CTBP2: variants seen among roughly 807,000 people sequenced by gnomAD.
CTBP2 encodes C-terminal-binding protein 2.
In CTBP2, 30 loss-of-function variants were observed where a neutral mutation model predicts 80.3. The ratio of observed to expected loss-of-function variants is 0.37; its 90% CI spans 0.28 to 0.51. The LOEUF is 0.51. Among genes scored for constraint, CTBP2 ranks in the 20% least tolerant of loss-of-function variants. The probability of loss-of-function intolerance (pLI) is 0.93; values close to 1 mark genes in which losing one functional copy is unlikely to be tolerated. For missense variants in CTBP2, 1,212 were observed against 1,375.3 expected (o/e 0.88, Z 1.88); for synonymous variants, 594 against 587.4 (o/e 1.01, Z -0.16).
intron 2 of CTBP2, among the ~76,000 whole-genome samples, chr10:125,072,634 G>GAAAAAAAAAA (rs55742060): frequency 4.3e-4 from 43 of 100,146 alleles, no homozygotes; most frequent in East Asian, 6.0e-4. Context: ...AAAAAGAAAA[G>GAAAAAAAAAA]AAAAAAAAAA....
intron 2 of CTBP2, among the ~76,000 whole-genome samples, chr10:125,057,855 C>T (rs541081356): frequency 6.6e-6 from 1 of 152,150 alleles, no homozygotes; most frequent in Non-Finnish European, 1.5e-5. Flanking sequence ...AACAGACTGG[C>T]CTGGACTTCG....
intron 1 of CTBP2, among the ~76,000 whole-genome samples, chr10:125,117,272 T>C (rs1260835649): frequency 6.6e-6 from 1 of 152,168 alleles, no homozygotes; most frequent in Non-Finnish European, 1.5e-5. Flanking sequence ...GAAGAGGTCA[T>C]GTGCAGTCCT....
chr10:125,107,014 A>C (rs554984175), intron 2 of CTBP2, among the ~76,000 whole-genome samples: 2 of 152,324 alleles, frequency 1.3e-5, no homozygotes, highest in African/African-American at 4.8e-5. Context: ...CTCAGGAGAG[A>C]AGAACAAACA....
chr10:125,135,145 T>C (rs1693624), intron 1 of CTBP2, among the ~76,000 whole-genome samples: 130,519 of 151,930 alleles, frequency 0.86, 56,270 homozygotes, highest in Middle Eastern at 0.93. Flanking sequence ...TCCTGCACCC[T>C]GGGAGGAAAC....
chr10:125,136,119 G>GA (rs1565008880), intron 1 of CTBP2, among the ~76,000 whole-genome samples: 1 of 152,208 alleles, frequency 6.6e-6, no homozygotes, highest in African/African-American at 2.4e-5. Context: ...ATTAAGCTGG[G>GA]ATCTTTTTTC....
upstream of CTBP2, among the ~76,000 whole-genome samples, chr10:125,032,501 G>C (rs2134827037): frequency 6.6e-6 from 1 of 152,236 alleles, no homozygotes; most frequent in East Asian, 1.9e-4. Flanking sequence ...GTCCAATTCT[G>C]TCACTTTGTC....
At chr10:125,020,454 G>A (rs551238058) in intron 1 of CTBP2, among the ~76,000 whole-genome samples, 34 of 152,286 alleles carry the variant, frequency 2.2e-4, no homozygotes, top group Non-Finnish European at 4.4e-4. Context: ...AAGACAGAAC[G>A]CCCCTGTAGA....
chr10:125,023,920 T>C (rs1286333314), intron 1 of CTBP2, among the ~76,000 whole-genome samples: 1 of 152,202 alleles, frequency 6.6e-6, no homozygotes, highest in Non-Finnish European at 1.5e-5. Context: ...GGGCGTTCCT[T>C]GTCCCTCCGA....
At chr10:125,113,027 T>C (rs1363053443) in intron 1 of CTBP2, among the ~76,000 whole-genome samples, 1 of 152,184 alleles carries the variant, frequency 6.6e-6, no homozygotes, top group Non-Finnish European at 1.5e-5. Context: ...TCTGAAGAAC[T>C]ACTCAGGAAA....
chr10:125,007,281 T>C (rs1955372245), intron 1 of CTBP2, among the ~76,000 whole-genome samples: 1 of 152,258 alleles, frequency 6.6e-6, no homozygotes, highest in Admixed American at 6.5e-5. Flanking sequence ...GGCTTGCGTG[T>C]GCACCAGGAC....
At chr10:125,002,277 G>T (rs1954631490) in intron 3 of CTBP2, among the ~76,000 whole-genome samples, 1 of 152,212 alleles carries the variant, frequency 6.6e-6, no homozygotes, top group Admixed American at 6.5e-5. Flanking sequence ...TGCTTCTTGT[G>T]CCTCTGCACT....
chr10:125,134,385 G>A (rs995916003), intron 1 of CTBP2, among the ~76,000 whole-genome samples: 11 of 152,184 alleles, frequency 7.2e-5, no homozygotes, highest in Non-Finnish European at 1.2e-4. Context: ...AGGAAGCGGG[G>A]AGAAAGGAAG....
intron 1 of CTBP2, among the ~76,000 whole-genome samples, chr10:125,007,239 G>A (rs1459472624): frequency 1.3e-5 from 2 of 152,090 alleles, no homozygotes; most frequent in Non-Finnish European, 2.9e-5. Flanking sequence ...AGCCCTGCCG[G>A]CTCCCCTGGT....
chr10:125,082,456 A>G (rs1474318030), intron 2 of CTBP2, among the ~76,000 whole-genome samples: 1 of 152,168 alleles, frequency 6.6e-6, no homozygotes, highest in Non-Finnish European at 1.5e-5. Context: ...AAAATCAATT[A>G]TTAATAAGAT....
chr10:125,066,523 T>G lies in CTBP2; in HGVS notation c.-101-27368A>C, dbSNP rs1407880605. On this transcript the variant is annotated intron_variant, in intron 2 of 10. Transcript: ENST00000337195. The surrounding 1 kb of genome is among the most constrained non-coding windows in gnomAD (Gnocchi z 4.1). ...TGTCATGTTTCGTACAGGAGCCTGC[T>G]GGGGGTAGCTCACGGGGACTGGAAG... Among the ~76,000 whole-genome samples the G allele has an allele frequency of 6.6e-6, 1 of 152,136 alleles. No homozygotes were observed. Among genetic ancestry groups the G allele is most frequent in the Non-Finnish European group, 1.5e-5 (1 of 68,024 alleles).
chr10:125,151,867 C>T (rs565998914), intron 1 of CTBP2, among the ~76,000 whole-genome samples: 1 of 152,312 alleles, frequency 6.6e-6, no homozygotes, highest in Non-Finnish European at 1.5e-5. Context: ...GTCCGAGCGG[C>T]CCCGCCCAGC....
exon 3 of CTBP2, chr10:125,039,002 C>A (rs1959167871): frequency 1.2e-6 from 2 of 1,613,624 alleles, no homozygotes; most frequent in Non-Finnish European, 1.7e-6. Flanking sequence ...CTTACCTTCA[C>A]AAATTCTGTC....
At chr10:125,152,686 T>C (rs1025939212) in intron 1 of CTBP2, among the ~76,000 whole-genome samples, 1 of 152,208 alleles carries the variant, frequency 6.6e-6, no homozygotes, top group Admixed American at 6.5e-5. Context: ...AAATATACTC[T>C]TTATTGATTG....
At chr10:125,069,346 G>A (rs528599611) in intron 2 of CTBP2, among the ~76,000 whole-genome samples, 1 of 152,342 alleles carries the variant, frequency 6.6e-6, no homozygotes, top group Admixed American at 6.5e-5. Context: ...GGCCAAGTGC[G>A]GTGGCTCACA....
Sources: gnomAD v4.1 joint callset for allele counts (sites outside exome capture counted in the v4.1 genomes callset) on GRCh38, gnomAD v4.1.1 for gene constraint, Gnocchi (gnomAD v3.1) non-coding constraint, MANE v1.5 for transcripts, NCBI Gene and HGNC (gene_info 2026-07-23, HGNC 2026-07-21) for gene names.